The following RNF38 variants were observed in gnomAD, a reference collection of about 807,000 sequenced individuals.
RNF38 encodes the protein E3 ubiquitin-protein ligase RNF38.
A neutral mutation model predicts 67.2 loss-of-function variants in RNF38; 15 were observed. The ratio of observed to expected loss-of-function variants is 0.22; its 90% confidence interval spans 0.15 to 0.34. The LOEUF (loss-of-function observed/expected upper bound fraction) is 0.34. RNF38 is among the 10% of genes least tolerant of loss of function. RNF38 has a pLI of 1.00. For missense variants in RNF38, 524 were observed against 639.9 expected, an observed-to-expected ratio of 0.82 and a Z score of 1.95; for synonymous variants, 220 against 218.8, an observed-to-expected ratio of 1.01 and a Z score of -0.05.
intron 1 of RNF38, among the ~76,000 whole-genome samples, chr9:36,448,670 C>T (rs563663368): frequency 1.3e-5 from 2 of 152,200 alleles, no homozygotes; most frequent in Admixed American, 6.6e-5. Context: ...TTGCCTGCCC[C>T]ACCCCCAGAT....
intron 9 of RNF38, among the ~76,000 whole-genome samples, chr9:36,350,439 A>C (rs1305262998): frequency 6.6e-6 from 1 of 152,212 alleles, no homozygotes; most frequent in Non-Finnish European, 1.5e-5. Flanking sequence ...CTCTGTAGCA[A>C]GCACTGAAGG....
At chr9:36,371,378 T>C (rs1835364432) in intron 3 of RNF38, among the ~76,000 whole-genome samples, 1 of 152,190 alleles carries the variant, frequency 6.6e-6, no homozygotes, top group Non-Finnish European at 1.5e-5. Flanking sequence ...TTTTGCATTT[T>C]TGCTTCAAAC....
At chr9:36,399,565 T>C (rs1837838531) in intron 1 of RNF38, among the ~76,000 whole-genome samples, 2 of 148,506 alleles carry the variant, frequency 1.3e-5, no homozygotes, top group African/African-American at 5.1e-5. Flanking sequence ...GAGAAAGGAG[T>C]ATCTGAAGTG....
At chr9:36,403,237 TAC>T (rs1184856764), upstream of RNF38, among the ~76,000 whole-genome samples, 3 of 152,250 alleles carry the variant, frequency 2.0e-5, no homozygotes, top group Non-Finnish European at 4.4e-5. Flanking sequence ...GTCACTTAAC[TAC>T]AGTCAAGCTA....
At chr9:36,345,255 C>T (rs901864033) in intron 9 of RNF38, among the ~76,000 whole-genome samples, 2 of 152,146 alleles carry the variant, frequency 1.3e-5, no homozygotes, top group Non-Finnish European at 1.5e-5. Flanking sequence ...CATTAATGAA[C>T]CTTGATCTAT....
At chr9:36,465,430 T>A (rs1232388059) in intron 1 of RNF38, among the ~76,000 whole-genome samples, 1 of 152,182 alleles carries the variant, frequency 6.6e-6, no homozygotes, top group East Asian at 1.9e-4. Flanking sequence ...CACTGCAACT[T>A]CCACTACCCA....
In RNF38 at chr9:36,474,564, C is replaced by G. The variant is rs535594071; in HGVS notation, n.241+12744G>C. Among the ~76,000 whole-genome samples, 23 of 148,152 alleles carry G rather than the reference C, an allele frequency of 1.6e-4. 4 individuals are homozygous for G. Among genetic ancestry groups the G allele is most frequent in the Admixed American group, 2.7e-4 (4 of 14,834 alleles). On this transcript the variant is annotated intron_variant and non_coding_transcript_variant, in intron 1 of 3. Transcript: ENST00000488058. The stretch of plus-strand genomic sequence containing the variant: ...AATTAGACTACCTGGGTTCATATCC[C>G]AGGTAACACTCCTAATAGCTGTATC...
intron 9 of RNF38, among the ~76,000 whole-genome samples, chr9:36,349,865 C>T (rs1165779465): frequency 6.6e-6 from 1 of 152,020 alleles, no homozygotes; most frequent in Non-Finnish European, 1.5e-5. Flanking sequence ...TTTCTTTTTT[C>T]TTTTTCAGAC....
At chr9:36,422,709 G>A (rs890554004) in intron 2 of RNF38, among the ~76,000 whole-genome samples, 2 of 152,138 alleles carry the variant, frequency 1.3e-5, no homozygotes, top group African/African-American at 2.4e-5. Flanking sequence ...AAGGAGAGTC[G>A]TTTCAGACAG....
intron 1 of RNF38, among the ~76,000 whole-genome samples, chr9:36,478,881 C>T (rs1840185602): frequency 6.6e-6 from 1 of 150,882 alleles, no homozygotes; most frequent in South Asian, 2.1e-4. Context: ...GTTATGTATT[C>T]GGCTTTTGTG....
chr9:36,364,275 A>AT (rs1044899073), intron 4 of RNF38, among the ~76,000 whole-genome samples: 1 of 152,096 alleles, frequency 6.6e-6, no homozygotes, highest in Non-Finnish European at 1.5e-5. Flanking sequence ...GTATTTTATG[A>AT]TTTTTTTAAT....
intron 1 of RNF38, among the ~76,000 whole-genome samples, chr9:36,427,915 G>T (rs1239685284): frequency 1.3e-5 from 2 of 150,962 alleles, no homozygotes; most frequent in Non-Finnish European, 2.9e-5. Context: ...TCTCCATGTT[G>T]GTCAGGCTGG....
At chr9:36,480,548 C>CTTTTTTTTTTTTTTT (rs3072687) in intron 1 of RNF38, among the ~76,000 whole-genome samples, 3 of 100,818 alleles carry the variant, frequency 3.0e-5, no homozygotes, top group Admixed American at 1.3e-4. Context: ...TTTTCTTTTT[C>CTTTTTTTTTTTTTTT]TTTTTTTTTT....
intron 1 of RNF38, among the ~76,000 whole-genome samples, chr9:36,484,136 T>A (rs1167177348): frequency 6.6e-6 from 1 of 152,120 alleles, no homozygotes. Flanking sequence ...ACTGGGGAGT[T>A]TTCTCAGAAT....
chr9:36,478,313 A>T (rs938960713), intron 1 of RNF38, among the ~76,000 whole-genome samples: 6 of 149,012 alleles, frequency 4.0e-5, no homozygotes, highest in African/African-American at 1.5e-4. Flanking sequence ...CTGAGGCAGG[A>T]GAATGGCGTG....
At chr9:36,378,382 T>TA (rs1352556879) in intron 2 of RNF38, among the ~76,000 whole-genome samples, 1 of 152,070 alleles carries the variant, frequency 6.6e-6, no homozygotes, top group Non-Finnish European at 1.5e-5. Flanking sequence ...TTCACCTTGT[T>TA]AGCTAGGATG....
chr9:36,444,440 G>A (rs1839257899), intron 1 of RNF38, among the ~76,000 whole-genome samples: 1 of 152,126 alleles, frequency 6.6e-6, no homozygotes, highest in Non-Finnish European at 1.5e-5. Flanking sequence ...TGCATTTCCT[G>A]CACTTGTACC....
intron 1 of RNF38, among the ~76,000 whole-genome samples, chr9:36,431,261 A>G (rs1207055196): frequency 6.6e-6 from 1 of 152,236 alleles, no homozygotes; most frequent in African/African-American, 2.4e-5. Flanking sequence ...TGCGAACATC[A>G]TACCAGAGAG....
chr9:36,355,842 C>CGTTT (rs919374404), intron 6 of RNF38, among the ~76,000 whole-genome samples: 1 of 151,922 alleles, frequency 6.6e-6, no homozygotes, highest in Non-Finnish European at 1.5e-5. Context: ...TAAGTTATTA[C>CGTTT]GTTTGTTTGT....
Sources: gnomAD v4.1 joint callset for allele counts (sites outside exome capture counted in the v4.1 genomes callset) on GRCh38, gnomAD v4.1.1 for gene constraint, MANE v1.5 for transcripts, NCBI Gene and HGNC (gene_info 2026-07-23, HGNC 2026-07-21) for gene names.